CEP104: variants seen among roughly 807,000 people sequenced by gnomAD.
The protein encoded by CEP104 is centrosomal protein 104.
In CEP104, 84 loss-of-function variants were observed where a neutral mutation model predicts 113.3. That is an observed-to-expected ratio of 0.74 (90% CI 0.62 to 0.89). The LOEUF (loss-of-function observed/expected upper bound fraction) is 0.89. Ranked by LOEUF, CEP104 falls within the 40% of genes least tolerant of loss-of-function variation. The pLI is 0.00. For synonymous variants in CEP104, 378 were observed against 421.7 expected, an observed-to-expected ratio of 0.90 and a Z score of 1.27; for missense variants, 1,053 against 1,156.6, an observed-to-expected ratio of 0.91 and a Z score of 1.30.
intron 11 of CEP104, 131 bp downstream of exon 11, chr1:3,834,794 T>C (rs1013576300): frequency 2.6e-5 from 19 of 742,708 alleles, no homozygotes; most frequent in Non-Finnish European, 3.9e-5. Flanking sequence ...TTCTTAGTGA[T>C]TCTATTGAGT....
intron 13 of CEP104, 68 bp downstream of exon 13, chr1:3,830,978 C>A: frequency 6.9e-7 from 1 of 1,441,646 alleles, no homozygotes; most frequent in Admixed American, 2.1e-5. Context: ...CGATGAGACC[C>A]TCGCCACGCT....
chr1:3,820,917 T>C (rs1350866920), intron 20 of CEP104, among the ~76,000 whole-genome samples: 1 of 152,082 alleles, frequency 6.6e-6, no homozygotes, highest in Non-Finnish European at 1.5e-5. Context: ...GGCCCATGGA[T>C]GTAAGAAAGG....
chr1:3,846,065 G>A (rs141526309), intron 4 of CEP104, among the ~76,000 whole-genome samples: 217 of 127,496 alleles, frequency 1.7e-3, no homozygotes, highest in African/African-American at 6.6e-3. Flanking sequence ...GGCAACAAGA[G>A]TCAAGAGTGA....
At chr1:3,821,129 T>C (rs1391038438) in intron 20 of CEP104, among the ~76,000 whole-genome samples, 1 of 152,212 alleles carries the variant, frequency 6.6e-6, no homozygotes, top group Non-Finnish European at 1.5e-5. Flanking sequence ...TTCCTGCTAA[T>C]GGGAACCAGG....
rs1375803077 is a variant in CEP104 at position 3,834,801 on chromosome 1, G to A, written c.1485+124C>T. The A allele has an allele frequency of 5.1e-6, 4 of 779,950 alleles. No individual in the cohort carries two copies. The African/African-American group carries it at 7.0e-5, about 14-fold the overall frequency. 48.3% of individuals were successfully genotyped at this position (779,950 alleles called of 1,614,324 possible). On this transcript the variant is annotated intron_variant, in intron 11 of 21. Transcript: ENST00000378230. ...AACCTCATTTCTTAGTGATTCTATT[G>A]AGTTACAGTTGGTGACCACGTCAAT...
chr1:3,840,344 C>A (rs1158827822), intron 6 of CEP104, among the ~76,000 whole-genome samples: 1 of 152,070 alleles, frequency 6.6e-6, no homozygotes, highest in Non-Finnish European at 1.5e-5. Context: ...TCAGGCGATT[C>A]TCCTGCCTCA....
chr1:3,834,247 C>T (rs1217374989), intron 11 of CEP104, among the ~76,000 whole-genome samples: 1 of 152,246 alleles, frequency 6.6e-6, no homozygotes, highest in African/African-American at 2.4e-5. Context: ...TCAGAAATCA[C>T]TCCCCATCTT....
At chr1:3,842,601 T>C (rs1644433346) in intron 6 of CEP104, among the ~76,000 whole-genome samples, 3 of 152,164 alleles carry the variant, frequency 2.0e-5, no homozygotes, top group South Asian at 2.1e-4. Context: ...TGTGTGCAAA[T>C]AGAAGAGCCT....
Position 3,823,309 on chromosome 1 carries a change from C to T in CEP104, c.2504-68G>A, listed in dbSNP as rs768637663. 6.1e-5 allele frequency: 98 copies of T among 1,607,392 alleles called. No individual in the cohort carries two copies. In the South Asian group the frequency reaches 1.0e-3, roughly 17 times the overall value. ...GGCGACAAGACATGCTGCTGGCCTG[C>T]CCGCAGGTGCCCTTTAATTCACCAA... On this transcript the variant is annotated intron_variant, in intron 19 of 21. Transcript: ENST00000378230. The surrounding 1 kb of genome is among the most constrained non-coding windows in gnomAD (Gnocchi z 4.1).
rs753856491 is a variant in CEP104 at position 3,836,520 on chromosome 1, G to A, written c.1292C>T (p.Ala431Val). 73 of 1,553,612 alleles carry A rather than the reference G, an allele frequency of 4.7e-5. No homozygotes were observed. The highest frequency in any genetic ancestry group is 5.8e-5 in the Non-Finnish European group (67 of 1,146,808). The change falls in exon 10 of 22, where the codon GCC becomes GTC. Residue 431 changes from alanine to valine, a missense_variant. Physicochemically the swap from Ala to Val is moderately conservative, Grantham distance 64 (BLOSUM62 0). Coordinates refer to ENST00000378230, the MANE Select transcript of CEP104 (RefSeq NM_014704.4). ...CAAGGTTTCTCCCAACACATCGATG[G>A]CAGAGCTGGCTTCTCTCAAGGCCTT... ...TEKALREASS[A>V]IDVLGETLVA... is the part of the protein sequence containing the mutation.
intron 12 of CEP104, 56 bp from the exon 13 acceptor site, chr1:3,831,278 A>G (rs1315308441): frequency 1.3e-6 from 2 of 1,483,940 alleles, no homozygotes; most frequent in African/African-American, 2.8e-5. Flanking sequence ...GAGGCAGTTT[A>G]GTACAATTCA....
At chr1:3,830,545 G>A (rs977834562) in intron 13 of CEP104, among the ~76,000 whole-genome samples, 2 of 151,960 alleles carry the variant, frequency 1.3e-5, no homozygotes, top group South Asian at 2.1e-4. Flanking sequence ...AGGCTGAGGC[G>A]GGCGGATCAC....
At chr1:3,845,087 T>C (rs1644483944) in intron 5 of CEP104, 104 bp from the exon 6 acceptor site, 1 of 983,652 alleles carries the variant, frequency 1.0e-6, no homozygotes, top group East Asian at 2.5e-5. Flanking sequence ...CAAGGTTCAA[T>C]GATCCTCATC....
In CEP104 at chr1:3,819,481, G is replaced by A. The variant is rs1643931457; in HGVS notation, c.2572-3111C>T. Among the ~76,000 whole-genome samples the A allele has an allele frequency of 6.6e-6, 1 of 152,182 alleles. No individual in the cohort carries two copies. The highest frequency in any genetic ancestry group is 1.5e-5 in the Non-Finnish European group (1 of 68,032). On this transcript the variant is annotated intron_variant, in intron 20 of 21. Coordinates refer to ENST00000378230, the MANE Select transcript of CEP104 (RefSeq NM_014704.4). The surrounding 1 kb of genome is among the most constrained non-coding windows in gnomAD (Gnocchi z 4.6). The stretch of plus-strand genomic sequence containing the variant: ...GATCTCCATGAAGCTGTTAAAAACA[G>A]GTGATCTTAATGAGTGAACAGAGGT...
At chr1:3,832,772 C>A (rs1644241282) in intron 12 of CEP104, among the ~76,000 whole-genome samples, 1 of 152,150 alleles carries the variant, frequency 6.6e-6, no homozygotes, top group Non-Finnish European at 1.5e-5. Context: ...GCAGCCTCAA[C>A]CACCTGGGCT....
In CEP104 at chr1:3,837,403, A is replaced by T. The variant is rs1367225732; in HGVS notation, c.1008T>A (p.Phe336Leu). The T allele has an allele frequency of 6.2e-7, 1 of 1,614,236 alleles. No individual in the cohort carries two copies. Among genetic ancestry groups the T allele is most frequent in the East Asian group, 2.2e-5 (1 of 44,896 alleles). The change falls in exon 9 of 22, where the codon TTT becomes TTA. Residue 336 changes from phenylalanine to leucine, a missense_variant. Phe to Leu is a conservative substitution (Grantham distance 22). Transcript: ENST00000378230. The part of the protein sequence containing the change: ...QLEERGTENQ[F>L]AEPFLQEKPS... Reference sequence around the variant, plus strand: ...GCTTTTCCTGAAGGAAAGGTTCTGCAAACTGGTTTTCTGTTCCTCTTTCTT... The same window carrying T: ...GCTTTTCCTGAAGGAAAGGTTCTGCTAACTGGTTTTCTGTTCCTCTTTCTT...
intron 20 of CEP104, among the ~76,000 whole-genome samples, chr1:3,821,633 G>T (rs955144935): frequency 6.6e-6 from 1 of 152,064 alleles, no homozygotes; most frequent in South Asian, 2.1e-4. Flanking sequence ...CGCGCCTCCC[G>T]GGGGACACAC....
In CEP104 at chr1:3,836,121, G is replaced by A. The variant is rs1171608716; in HGVS notation, c.1317+374C>T. On this transcript the variant is annotated intron_variant, in intron 10 of 21. Transcript: ENST00000378230. ...TCGAGACCATCCTGGCTAACGTGGT[G>A]AAACTCTATCTCTACTAAAAAAAAA... is the stretch of plus-strand genomic sequence containing the variant. Among the ~76,000 whole-genome samples, 6 of 152,122 alleles carry A rather than the reference G, an allele frequency of 3.9e-5. No homozygotes were observed. In the South Asian group the frequency reaches 1.2e-3, roughly 32 times the overall value.
intron 15 of CEP104, among the ~76,000 whole-genome samples, chr1:3,828,006 C>T (rs56136408): frequency 0.035 from 5,360 of 152,098 alleles, 338 homozygotes; most frequent in African/African-American, 0.12. Flanking sequence ...GCTGTGCAGC[C>T]CATCAGCATA....
Sources: gnomAD v4.1 joint callset for allele counts (sites outside exome capture counted in the v4.1 genomes callset) on GRCh38, gnomAD v4.1.1 for gene constraint, Gnocchi (gnomAD v3.1) non-coding constraint, MANE v1.5 for transcripts, NCBI Gene and HGNC (gene_info 2026-07-23, HGNC 2026-07-21) for gene names.